The following SUCLA2 variants were observed in gnomAD, a reference collection of about 807,000 sequenced individuals.
The protein encoded by SUCLA2 is succinate-CoA ligase ADP-forming subunit beta.
Under a neutral mutation model 54.8 loss-of-function variants are expected in SUCLA2, and 30 were observed. That is an observed-to-expected ratio of 0.55 (90% CI 0.41 to 0.74). The LOEUF (loss-of-function observed/expected upper bound fraction) is 0.74, where lower values mean the gene tolerates loss of function less well. Ranked by LOEUF, SUCLA2 falls within the 30% of genes least tolerant of loss-of-function variation. The pLI is 0.00. For missense variants in SUCLA2, 476 were observed against 562.9 expected (o/e 0.85, Z 1.56); for synonymous variants, 172 against 188.9 (o/e 0.91, Z 0.74).
intron 3 of SUCLA2, 33 bp downstream of exon 3, chr13:47,988,849 A>G: frequency 3.1e-6 from 5 of 1,603,872 alleles, no homozygotes; most frequent in Non-Finnish European, 4.3e-6. Flanking sequence ...AGTCTTTAAC[A>G]AGGATGATTT....
At chr13:47,966,525 T>TAACAAAA (rs1949919620) in intron 6 of SUCLA2, among the ~76,000 whole-genome samples, 1 of 141,262 alleles carries the variant, frequency 7.1e-6, no homozygotes, top group African/African-American at 2.6e-5. Flanking sequence ...TTGCCGTTTT[T>TAACAAAA]AAAAAAAAAA....
chr13:47,947,486 A>T (rs2137685431), intron 10 of SUCLA2, among the ~76,000 whole-genome samples: 1 of 152,318 alleles, frequency 6.6e-6, no homozygotes, highest in South Asian at 2.1e-4. Flanking sequence ...TGACACGTGG[A>T]AGTATTACTT....
intron 6 of SUCLA2, among the ~76,000 whole-genome samples, chr13:47,964,053 C>T (rs1033400336): frequency 1.2e-4 from 19 of 152,126 alleles, no homozygotes; most frequent in Non-Finnish European, 2.5e-4. Flanking sequence ...AGAAAACTAC[C>T]GGAAATAACC....
chr13:47,965,776 T>C (rs1031848624), intron 6 of SUCLA2: 2 of 392,450 alleles, frequency 5.1e-6, no homozygotes, highest in Non-Finnish European at 9.0e-6. Flanking sequence ...AAGAGAACGT[T>C]CTTGGCTTGC....
At chr13:47,977,415 T>G (rs1292255456) in intron 4 of SUCLA2, among the ~76,000 whole-genome samples, 1 of 152,020 alleles carries the variant, frequency 6.6e-6, no homozygotes, top group African/African-American at 2.4e-5. Context: ...GACGGAAAAT[T>G]TCCATACTCA....
At chr13:47,973,741 T>C (rs1010738621) in intron 4 of SUCLA2, among the ~76,000 whole-genome samples, 1 of 152,142 alleles carries the variant, frequency 6.6e-6, no homozygotes, top group Non-Finnish European at 1.5e-5. Context: ...ACATATACCA[T>C]GGAATACTAT....
At chr13:47,983,099 T>G (rs1424778346) in intron 4 of SUCLA2, among the ~76,000 whole-genome samples, 3 of 152,084 alleles carry the variant, frequency 2.0e-5, no homozygotes, top group African/African-American at 7.2e-5. Context: ...GCACTTAGTA[T>G]TAGAACTCCT....
intron 5 of SUCLA2, chr13:47,971,559 G>C (rs1159440301): frequency 3.8e-6 from 1 of 266,598 alleles, no homozygotes; most frequent in Non-Finnish European, 7.0e-6. Context: ...TTTTTTTAGT[G>C]GGGGGAAGAA....
At chr13:47,986,299 G>C (rs996619698) in intron 4 of SUCLA2, among the ~76,000 whole-genome samples, 2 of 152,132 alleles carry the variant, frequency 1.3e-5, no homozygotes, top group African/African-American at 4.8e-5. Context: ...CCAAAGTGCT[G>C]GGATTACAGG....
intron 6 of SUCLA2, among the ~76,000 whole-genome samples, chr13:47,955,517 A>G (rs892714547): frequency 6.6e-6 from 1 of 152,160 alleles, no homozygotes; most frequent in African/African-American, 2.4e-5. Context: ...CTGTTTTCAA[A>G]TGGCCTGTAA....
At chr13:47,973,941 G>C (rs1431753266) in intron 4 of SUCLA2, among the ~76,000 whole-genome samples, 2 of 152,042 alleles carry the variant, frequency 1.3e-5, no homozygotes, top group South Asian at 4.1e-4. Flanking sequence ...GCCTGTCAGG[G>C]GGCTGGGGCA....
intron 2 of SUCLA2, among the ~76,000 whole-genome samples, chr13:47,990,177 A>G (rs1011925562): frequency 2.6e-5 from 4 of 152,092 alleles, no homozygotes; most frequent in African/African-American, 9.7e-5. Flanking sequence ...GTGAAATCTC[A>G]TCTCTATTAA....
chr13:47,951,403 A>G (rs886340063), intron 8 of SUCLA2, among the ~76,000 whole-genome samples: 6 of 140,190 alleles, frequency 4.3e-5, no homozygotes, highest in Admixed American at 2.5e-4. Flanking sequence ...GACTTTCTTC[A>G]CTATAGAGCC....
Position 47,942,681 on chromosome 13 carries a change from T to A in SUCLA2, c.*690A>T, listed in dbSNP as rs1949695163. 6.6e-6 allele frequency: 1 copy of A among 152,312 alleles called. No individual in the cohort carries two copies. The highest frequency in any genetic ancestry group is 1.5e-5 in the Non-Finnish European group (1 of 68,080). 9.4% of individuals were successfully genotyped at this position (152,312 alleles called of 1,614,324 possible). Reference sequence around the variant, plus strand: ...TCATATTGGGAGATTTTTATTAACTTAAATTGACATTCTTAATTTTGTCTG... The same window carrying A: ...TCATATTGGGAGATTTTTATTAACTAAAATTGACATTCTTAATTTTGTCTG... On this transcript the variant is annotated 3_prime_UTR_variant, in exon 11 of 11. Coordinates refer to ENST00000646932, the MANE Select transcript of SUCLA2 (RefSeq NM_003850.3).
chr13:48,001,190 GC>G lies in SUCLA2; in HGVS notation c.79del (p.Ala27LeufsTer33). ...ACTGGAAGGCATTACCTGAGCAGCAGCCCGCTGGGCCGTCCGAGGCCGGTGG... is the reference window on the plus strand; with the variant it reads ...ACTGGAAGGCATTACCTGAGCAGCAGCCGCTGGGCCGTCCGAGGCCGGTGG... ...RNHRPRTAQR[A>X]AAQVLGSSGL... is the part of the protein sequence containing the mutation. On this transcript the variant is annotated frameshift_variant, in exon 1 of 11. Coordinates refer to ENST00000646932, the MANE Select transcript of SUCLA2 (RefSeq NM_003850.3). LOFTEE classifies it high-confidence loss of function. 1 of 1,609,446 alleles carries G rather than the reference GC, an allele frequency of 6.2e-7. No homozygotes were observed. Among genetic ancestry groups the G allele is most frequent in the Non-Finnish European group, 8.5e-7 (1 of 1,178,602 alleles).
chr13:48,001,049 C>T, intron 1 of SUCLA2, 131 bp downstream of exon 1: 1 of 1,508,148 alleles, frequency 6.6e-7, no homozygotes, highest in East Asian at 2.5e-5. Context: ...GGCAAGTCGC[C>T]CGAGGGCCTT....
chr13:47,993,566 A>G (rs921949711), intron 2 of SUCLA2, among the ~76,000 whole-genome samples: 1 of 152,218 alleles, frequency 6.6e-6, no homozygotes, highest in African/African-American at 2.4e-5. Context: ...TCACACAAAC[A>G]GAAAATGATG....
chr13:47,948,687 T>C (rs1217711022), intron 10 of SUCLA2, among the ~76,000 whole-genome samples: 1 of 152,180 alleles, frequency 6.6e-6, no homozygotes, highest in Admixed American at 6.6e-5. Context: ...CTTGCTGTAT[T>C]TGGAGTTGGG....
chr13:48,000,788 C>A, intron 1 of SUCLA2: 1 of 958,288 alleles, frequency 1.0e-6, no homozygotes, highest in South Asian at 3.0e-5. Context: ...CACAAAAGTA[C>A]TTTTGAAGGG....
Sources: gnomAD v4.1 joint callset for allele counts (sites outside exome capture counted in the v4.1 genomes callset) on GRCh38, gnomAD v4.1.1 for gene constraint, MANE v1.5 for transcripts, NCBI Gene and HGNC (gene_info 2026-07-23, HGNC 2026-07-21) for gene names.